The following FNDC3B variants were observed in gnomAD, a reference collection of about 807,000 sequenced individuals.
The protein encoded by FNDC3B is fibronectin type III domain-containing protein 3B.
A neutral mutation model predicts 151.5 loss-of-function variants in FNDC3B; 12 were observed. The ratio of observed to expected loss-of-function variants is 0.08; its 90% CI spans 0.05 to 0.13. The LOEUF (loss-of-function observed/expected upper bound fraction) is 0.13, where lower values mean the gene tolerates loss of function less well. Among genes scored for constraint, FNDC3B ranks in the 10% least tolerant of loss-of-function variants. The pLI is 1.00. For missense variants in FNDC3B, 1,214 were observed against 1,505.3 expected (o/e 0.81, Z 3.20); for synonymous variants, 528 against 549.0 (o/e 0.96, Z 0.54).
intron 1 of FNDC3B, among the ~76,000 whole-genome samples, chr3:172,096,369 TA>T: frequency 6.6e-6 from 1 of 152,332 alleles, no homozygotes; most frequent in African/African-American, 2.4e-5. Context: ...TGGATTTAAA[TA>T]ATTCTATTTA....
intron 4 of FNDC3B, 48 bp downstream of exon 4, chr3:172,226,995 C>A: frequency 1.6e-6 from 2 of 1,247,368 alleles, no homozygotes; most frequent in Non-Finnish European, 2.4e-6. Context: ...ACTGTCGTTG[C>A]TCCAACAGAA....
At chr3:172,301,064 C>G (rs1192354013) in intron 9 of FNDC3B, among the ~76,000 whole-genome samples, 1 of 152,278 alleles carries the variant, frequency 6.6e-6, no homozygotes, top group East Asian at 1.9e-4. Flanking sequence ...CTGTCATTTA[C>G]TAAGGGTGTG....
chr3:172,304,295 C>T (rs1731082081), intron 9 of FNDC3B, among the ~76,000 whole-genome samples: 1 of 152,212 alleles, frequency 6.6e-6, no homozygotes, highest in African/African-American at 2.4e-5. Context: ...CTGCCTTCCT[C>T]CCTCTGCTCT....
chr3:172,174,442 C>T (rs193045845), intron 3 of FNDC3B, among the ~76,000 whole-genome samples: 108 of 152,278 alleles, frequency 7.1e-4, no homozygotes, highest in African/African-American at 2.5e-3. Flanking sequence ...TTAAAACTCC[C>T]AAATCTGAAT....
intron 25 of FNDC3B, among the ~76,000 whole-genome samples, chr3:172,384,990 C>T (rs1173962315): frequency 1.3e-5 from 2 of 152,122 alleles, no homozygotes; most frequent in Non-Finnish European, 2.9e-5. Flanking sequence ...CCATTTGCTT[C>T]CTGCATTTAC....
At chr3:172,182,603 G>A (rs935431413) in intron 3 of FNDC3B, among the ~76,000 whole-genome samples, 4 of 152,196 alleles carry the variant, frequency 2.6e-5, no homozygotes, top group Admixed American at 2.0e-4. Flanking sequence ...CAATCCAGCA[G>A]TGCTTCTCTG....
intron 8 of FNDC3B, among the ~76,000 whole-genome samples, chr3:172,297,521 C>T (rs1178534045): frequency 1.3e-5 from 2 of 152,112 alleles, no homozygotes; most frequent in African/African-American, 4.8e-5. Flanking sequence ...GTCGCCCAGG[C>T]TGGAGTGCAG....
At chr3:172,257,876 G>A (rs959793758) in intron 6 of FNDC3B, among the ~76,000 whole-genome samples, 1 of 152,196 alleles carries the variant, frequency 6.6e-6, no homozygotes, top group Admixed American at 6.5e-5. Flanking sequence ...ATAAGCCACA[G>A]TAGCATTTGA....
intron 6 of FNDC3B, among the ~76,000 whole-genome samples, chr3:172,284,193 GGGTC>G (rs1560056700): frequency 1.3e-5 from 2 of 152,114 alleles, no homozygotes; most frequent in African/African-American, 4.8e-5. Flanking sequence ...CCTAGGGCAG[GGGTC>G]ATTGAACTAT....
chr3:172,294,030 T>C (rs1043204419), intron 7 of FNDC3B, among the ~76,000 whole-genome samples: 11 of 152,214 alleles, frequency 7.2e-5, no homozygotes, highest in Non-Finnish European at 5.9e-5. Flanking sequence ...TAATATGCTA[T>C]CCAGACCAAT....
chr3:172,223,298 C>G (rs1480247880), intron 3 of FNDC3B, among the ~76,000 whole-genome samples: 1 of 152,116 alleles, frequency 6.6e-6, no homozygotes, highest in Non-Finnish European at 1.5e-5. Flanking sequence ...CCTATAGATG[C>G]AATGGTTTAT....
intron 23 of FNDC3B, among the ~76,000 whole-genome samples, chr3:172,365,882 C>A (rs897410468): frequency 6.6e-6 from 1 of 152,062 alleles, no homozygotes; most frequent in Non-Finnish European, 1.5e-5. Flanking sequence ...AGAGTTGAGT[C>A]GATTTTAGCA....
At chr3:172,308,098 TAAAAC>T (rs1248342513) in intron 10 of FNDC3B, among the ~76,000 whole-genome samples, 1 of 152,160 alleles carries the variant, frequency 6.6e-6, no homozygotes, top group East Asian at 1.9e-4. Context: ...GTTTAATACA[TAAAAC>T]AACCTAGAAC....
At chr3:172,384,023 G>T (rs1735584398) in intron 25 of FNDC3B, among the ~76,000 whole-genome samples, 1 of 151,758 alleles carries the variant, frequency 6.6e-6, no homozygotes, top group Non-Finnish European at 1.5e-5. Flanking sequence ...AAAAAACTTT[G>T]TTCAGTTCCA....
At chr3:172,153,422 C>CTGTCTT (rs1722331999) in intron 3 of FNDC3B, among the ~76,000 whole-genome samples, 2 of 152,172 alleles carry the variant, frequency 1.3e-5, no homozygotes, top group South Asian at 4.1e-4. Context: ...ATGTGCTGCA[C>CTGTCTT]GCTGCCTTGC....
At chr3:172,079,424 A>G (rs895386464) in intron 1 of FNDC3B, among the ~76,000 whole-genome samples, 16 of 152,180 alleles carry the variant, frequency 1.1e-4, no homozygotes, top group African/African-American at 3.6e-4. Flanking sequence ...GTTTAATAGA[A>G]GAGATCAGGA....
intron 3 of FNDC3B, among the ~76,000 whole-genome samples, chr3:172,203,000 T>C (rs1725235447): frequency 2.0e-5 from 3 of 152,218 alleles, no homozygotes; most frequent in Non-Finnish European, 2.9e-5. Flanking sequence ...TTGTGAGCTG[T>C]ACCAAAGCCG....
intron 12 of FNDC3B, 63 bp from the exon 13 acceptor site, chr3:172,330,478 C>A (rs901088546): frequency 6.8e-7 from 1 of 1,461,778 alleles, no homozygotes; most frequent in African/African-American, 1.4e-5. Flanking sequence ...GAGCCTTCCT[C>A]TTTTAAAATG....
rs533453734 is a variant in FNDC3B, at chr3:172,270,862, T to C, written c.791-15064T>C. Among the ~76,000 whole-genome samples, 5 of 152,366 alleles carry C rather than the reference T, an allele frequency of 3.3e-5. No individual in the cohort carries two copies. The South Asian group carries it at 1.0e-3, about 32-fold the overall frequency. On this transcript the variant is annotated intron_variant, in intron 6 of 25. Transcript: ENST00000415807. The stretch of plus-strand genomic sequence containing the variant: ...ACTTGGGTTAAAATACAGAATTCCA[T>C]TGCAGTTGGAAAGAGTTACCAGATA...
Sources: allele counts gnomAD v4.1 joint callset (sites outside exome capture counted in the v4.1 genomes callset), GRCh38; gene constraint gnomAD v4.1.1; transcripts MANE v1.5; gene names NCBI Gene and HGNC (gene_info 2026-07-23, HGNC 2026-07-21).